The following ANO3 variants were observed in gnomAD, a reference collection of about 807,000 sequenced individuals.
The protein encoded by ANO3 is anoctamin-3.
Under a neutral mutation model 144.8 loss-of-function variants are expected in ANO3, and 99 were observed. The ratio of observed to expected loss-of-function variants is 0.68; its 90% confidence interval spans 0.58 to 0.81. The LOEUF (loss-of-function observed/expected upper bound fraction) is 0.81, where lower values mean the gene tolerates loss of function less well. Among genes scored for constraint, ANO3 ranks in the 30% least tolerant of loss-of-function variants. ANO3 has a pLI of 0.00. For synonymous variants in ANO3, 414 were observed against 392.6 expected, an observed-to-expected ratio of 1.05 and a Z score of -0.64; for missense variants, 905 against 1,202.2, an observed-to-expected ratio of 0.75 and a Z score of 3.66.
chr11:26,429,591 T>G (rs551811747), intron 1 of ANO3, among the ~76,000 whole-genome samples: 1 of 152,224 alleles, frequency 6.6e-6, no homozygotes, highest in Admixed American at 6.5e-5. Flanking sequence ...TTAACCTACC[T>G]GTTAAAAGAA....
chr11:26,244,252 T>C (rs767474393), intron 1 of ANO3, among the ~76,000 whole-genome samples: 2 of 152,152 alleles, frequency 1.3e-5, no homozygotes, highest in Non-Finnish European at 2.9e-5. Flanking sequence ...TTGCTAAAAA[T>C]ATAGATAACA....
intron 14 of ANO3, chr11:26,561,341 G>A: frequency 1.4e-6 from 1 of 726,456 alleles, no homozygotes; most frequent in Non-Finnish European, 2.0e-6. Context: ...ATTTTTATAT[G>A]GGCTTTTTAG....
chr11:26,256,435 C>T lies in ANO3; in HGVS notation c.155-53210C>T, dbSNP rs183764670. On this transcript the variant is annotated intron_variant, in intron 1 of 27. Transcript: ENST00000672621. The stretch of plus-strand genomic sequence containing the variant: ...TAAATATATAATAATTTTTGCCTTC[C>T]AGACATGTAATAAAATTAGATTAAT... 9.2e-5 allele frequency among the ~76,000 whole-genome samples: 14 copies of T among 152,110 alleles called. No homozygotes were observed. The East Asian group carries it at 1.2e-3, about 13-fold the overall frequency.
chr11:26,451,528 G>T (rs543923880), intron 3 of ANO3, among the ~76,000 whole-genome samples: 3 of 152,306 alleles, frequency 2.0e-5, no homozygotes, highest in Non-Finnish European at 4.4e-5. Flanking sequence ...CAGCAAGGCT[G>T]GGGGAGGAGC....
chr11:26,332,125 A>G (rs956157622), upstream of ANO3: 43 of 1,499,534 alleles, frequency 2.9e-5, no homozygotes, highest in South Asian at 9.2e-5. Context: ...GCGGGCGCGT[A>G]GCCTGGAGAG....
chr11:26,208,708 T>C (rs1022855561), intron 1 of ANO3, among the ~76,000 whole-genome samples: 1 of 152,158 alleles, frequency 6.6e-6, no homozygotes, highest in African/African-American at 2.4e-5. Flanking sequence ...AATATGTCCA[T>C]ATATTCTGAA....
intron 1 of ANO3, among the ~76,000 whole-genome samples, chr11:26,290,610 T>C (rs1361557257): frequency 6.6e-6 from 1 of 152,218 alleles, no homozygotes; most frequent in Non-Finnish European, 1.5e-5. Flanking sequence ...ATATGTTGTG[T>C]CTTTGTTTTC....
intron 17 of ANO3, among the ~76,000 whole-genome samples, chr11:26,601,646 G>GCACAGACA (rs1212629011): frequency 1.3e-5 from 2 of 152,186 alleles, no homozygotes; most frequent in Non-Finnish European, 2.9e-5. Flanking sequence ...GCCATTTTCA[G>GCACAGACA]CACAGACACT....
chr11:26,548,736 A>G (rs1458665130), intron 12 of ANO3, among the ~76,000 whole-genome samples: 1 of 151,964 alleles, frequency 6.6e-6, no homozygotes, highest in Non-Finnish European at 1.5e-5. Context: ...CATGAAAACA[A>G]AGAAACACCT....
At position 26,632,666 on chromosome 11, in the gene ANO3, A is replaced by G. The variant is rs572909151; in HGVS notation, c.1874-1538A>G. 1.9e-4 allele frequency among the ~76,000 whole-genome samples: 29 copies of G among 151,532 alleles called. No individual in the cohort carries two copies. In the South Asian group the frequency reaches 6.0e-3, roughly 31 times the overall value. ...AAACCATATGCCCAACAGGAACACAAATATTATTTTCAGGCACTTGATACA... is the reference window on the plus strand; with the variant it reads ...AAACCATATGCCCAACAGGAACACAGATATTATTTTCAGGCACTTGATACA... On this transcript the variant is annotated intron_variant, in intron 18 of 26. Coordinates refer to ENST00000256737, the MANE Select transcript of ANO3 (RefSeq NM_031418.4).
chr11:26,492,691 C>A (rs1395007951), intron 4 of ANO3, among the ~76,000 whole-genome samples: 1 of 152,080 alleles, frequency 6.6e-6, no homozygotes, highest in Non-Finnish European at 1.5e-5. Flanking sequence ...GATTTTGAGG[C>A]CATTTCTGTT....
chr11:26,573,977 A>T (rs1459669448), intron 14 of ANO3, among the ~76,000 whole-genome samples: 1 of 152,232 alleles, frequency 6.6e-6, no homozygotes, highest in Non-Finnish European at 1.5e-5. Flanking sequence ...TTTCACTGAG[A>T]TACAGTCCTA....
upstream of ANO3, among the ~76,000 whole-genome samples, chr11:26,329,842 T>C (rs142233599): frequency 0.1 from 15,190 of 150,044 alleles, 824 homozygotes; most frequent in East Asian, 0.12. Flanking sequence ...AGACGGAGTC[T>C]CGCTCTGTTT....
chr11:26,399,111 G>C (rs748632125), intron 1 of ANO3, among the ~76,000 whole-genome samples: 4 of 151,828 alleles, frequency 2.6e-5, no homozygotes, highest in African/African-American at 4.8e-5. Flanking sequence ...ACTCAAACTG[G>C]CTCGAAATCT....
chr11:26,580,154 T>C (rs1565120610), intron 14 of ANO3, among the ~76,000 whole-genome samples: 2 of 147,852 alleles, frequency 1.4e-5, no homozygotes, highest in African/African-American at 5.0e-5. Context: ...AAAAATATTT[T>C]AATCAACTGA....
intron 17 of ANO3, among the ~76,000 whole-genome samples, chr11:26,621,215 A>T (rs1852404971): frequency 6.6e-6 from 1 of 152,198 alleles, no homozygotes; most frequent in Non-Finnish European, 1.5e-5. Flanking sequence ...TACTGGGAAG[A>T]TGATGAAGTC....
intron 1 of ANO3, among the ~76,000 whole-genome samples, chr11:26,229,041 A>G (rs1372373575): frequency 6.6e-6 from 1 of 152,184 alleles, no homozygotes; most frequent in African/African-American, 2.4e-5. Flanking sequence ...CAAAATGTTT[A>G]TGTTGTGCTA....
chr11:26,296,357 C>A (rs186388314), intron 1 of ANO3, among the ~76,000 whole-genome samples: 48 of 139,942 alleles, frequency 3.4e-4, no homozygotes, highest in Non-Finnish European at 4.4e-4. Flanking sequence ...CTTATCCTGG[C>A]CCCAGATTAA....
intron 1 of ANO3, among the ~76,000 whole-genome samples, chr11:26,261,638 A>G (rs1853191820): frequency 6.6e-6 from 1 of 152,086 alleles, no homozygotes; most frequent in African/African-American, 2.4e-5. Context: ...ACTTTATTCC[A>G]CAACCGACAG....
Sources: allele counts gnomAD v4.1 joint callset (sites outside exome capture counted in the v4.1 genomes callset), GRCh38; gene constraint gnomAD v4.1.1; transcripts MANE v1.5; gene names NCBI Gene and HGNC (gene_info 2026-07-23, HGNC 2026-07-21).